DAB1: variants seen among roughly 807,000 people sequenced by gnomAD.
DAB1 encodes disabled homolog 1.
In DAB1, 15 loss-of-function variants were observed where a neutral mutation model predicts 64.6. That is an observed-to-expected ratio of 0.23 (90% CI 0.16 to 0.36). The LOEUF (loss-of-function observed/expected upper bound fraction) is 0.36, where lower values mean the gene tolerates loss of function less well. Ranked by LOEUF, DAB1 falls within the 10% of genes least tolerant of loss-of-function variation. The pLI is 1.00. For missense variants in DAB1, 596 were observed against 706.7 expected, an observed-to-expected ratio of 0.84 and a Z score of 1.78; for synonymous variants, 235 against 251.9, an observed-to-expected ratio of 0.93 and a Z score of 0.64.
rs568655586 is a variant in DAB1 at position 58,452,843 on chromosome 1, A to AAAAAAC, written n.257+53211_257+53216dup. 2.9e-3 allele frequency among the ~76,000 whole-genome samples: 442 copies of AAAAAAC among 151,502 alleles called. 1 individual carries two copies. Among genetic ancestry groups the AAAAAAC allele is most frequent in the African/African-American group, 0.01 (426 of 41,000 alleles). On this transcript the variant is annotated intron_variant and non_coding_transcript_variant, in intron 3 of 20. Coordinates refer to the DAB1 transcript ENST00000485760. ...ACTCCATCTCAAAAAAACAAAAAAC[A>AAAAAAC]AAAAACAAAACAAAAAAAAAACAAA...
chr1:57,872,465 A>G (rs1413862361), intron 1 of DAB1, among the ~76,000 whole-genome samples: 1 of 152,192 alleles, frequency 6.6e-6, no homozygotes, highest in East Asian at 1.9e-4. Context: ...AGCCTTTAGA[A>G]CTGTGAGAAA....
At chr1:58,458,823 A>G (rs1645215849) in intron 3 of DAB1, among the ~76,000 whole-genome samples, 1 of 150,368 alleles carries the variant, frequency 6.7e-6, no homozygotes, top group African/African-American at 2.5e-5. Context: ...TCAAACAAAC[A>G]AACAAACAAA....
intron 4 of DAB1, among the ~76,000 whole-genome samples, chr1:57,079,281 T>A (rs758172531): frequency 1.4e-4 from 22 of 152,262 alleles, no homozygotes; most frequent in Middle Eastern, 3.4e-3. Flanking sequence ...GCACTGTCAC[T>A]AACCCTCCTT....
At chr1:58,179,774 A>C (rs1342002119) in intron 4 of DAB1, among the ~76,000 whole-genome samples, 3 of 151,828 alleles carry the variant, frequency 2.0e-5, no homozygotes, top group African/African-American at 7.3e-5. Context: ...ATTTTCATTA[A>C]ATTTTTAGTT....
At chr1:57,015,627 G>T (rs1037066100) in intron 11 of DAB1, among the ~76,000 whole-genome samples, 196 bp from the exon 12 acceptor site, 1 of 152,232 alleles carries the variant, frequency 6.6e-6, no homozygotes, top group Non-Finnish European at 1.5e-5. Flanking sequence ...AGTGGTCAGG[G>T]AAATCCTCTC....
chr1:57,794,321 C>T (rs1007969164), intron 6 of DAB1, among the ~76,000 whole-genome samples: 5 of 152,178 alleles, frequency 3.3e-5, no homozygotes, highest in African/African-American at 1.2e-4. Flanking sequence ...GCACGAGGCT[C>T]AAGGCTTATC....
At chr1:57,415,983 A>G (rs888993319) in intron 1 of DAB1, among the ~76,000 whole-genome samples, 5 of 152,218 alleles carry the variant, frequency 3.3e-5, no homozygotes, top group Non-Finnish European at 7.4e-5. Context: ...AGAAAACCCT[A>G]GGGTAGATCA....
intron 4 of DAB1, among the ~76,000 whole-genome samples, chr1:58,239,854 T>C (rs1024975137): frequency 6.6e-6 from 1 of 152,060 alleles, no homozygotes; most frequent in African/African-American, 2.4e-5. Context: ...TGAACTAAGC[T>C]ACAGAAAAAT....
intron 2 of DAB1, among the ~76,000 whole-genome samples, chr1:57,253,413 A>G (rs777269911): frequency 1.3e-5 from 2 of 152,190 alleles, no homozygotes; most frequent in African/African-American, 2.4e-5. Context: ...TCTGATTTGC[A>G]GTTGGCTCAA....
chr1:58,030,004 G>A lies in DAB1; in HGVS notation n.387+120507C>T, dbSNP rs185765931. ...GCAGATCACTTGAGTCCAGGAGTTC[G>A]AGACCAACCTGGCCAACAAGGTGAA... On this transcript the variant is annotated intron_variant and non_coding_transcript_variant, in intron 5 of 20. Transcript: ENST00000485760. Among the ~76,000 whole-genome samples the A allele has an allele frequency of 5.0e-4, 76 of 152,138 alleles. 2 individuals are homozygous for A. The East Asian group carries it at 0.012, about 25-fold the overall frequency.
intron 7 of DAB1, among the ~76,000 whole-genome samples, chr1:57,593,974 C>A (rs1193986714): frequency 6.6e-6 from 1 of 152,132 alleles, no homozygotes; most frequent in Non-Finnish European, 1.5e-5. Flanking sequence ...ACTGGCCAAG[C>A]CTGGGTTGTA....
At chr1:57,035,833 CTTTTTT>C (rs35389635) in intron 9 of DAB1, among the ~76,000 whole-genome samples, 8 of 61,884 alleles carry the variant, frequency 1.3e-4, no homozygotes, top group Non-Finnish European at 2.5e-4. Context: ...CGCACATGCA[CTTTTTT>C]TTTTTTTTTT....
chr1:57,764,788 C>A (rs12131093), intron 6 of DAB1, among the ~76,000 whole-genome samples: 26,350 of 152,048 alleles, frequency 0.17, 2,996 homozygotes, highest in Admixed American at 0.29. Flanking sequence ...AGAAGATTTA[C>A]AAAGATGATC....
chr1:58,312,869 A>C (rs569159517), intron 4 of DAB1, among the ~76,000 whole-genome samples: 1 of 152,298 alleles, frequency 6.6e-6, no homozygotes, highest in Non-Finnish European at 1.5e-5. Flanking sequence ...GTACTACCTA[A>C]TGAATAGCAT....
intron 6 of DAB1, among the ~76,000 whole-genome samples, chr1:57,820,890 C>A (rs139044346): frequency 1.3e-5 from 2 of 152,230 alleles, no homozygotes; most frequent in African/African-American, 4.8e-5. Context: ...TATGAGCCTC[C>A]CAGATATAAA....
chr1:58,091,032 C>T (rs1267719705), intron 5 of DAB1, among the ~76,000 whole-genome samples: 1 of 152,184 alleles, frequency 6.6e-6, no homozygotes, highest in African/African-American at 2.4e-5. Context: ...ACACCCTCTC[C>T]ACAGCCATGG....
intron 2 of DAB1, among the ~76,000 whole-genome samples, chr1:57,200,765 T>G (rs974329257): frequency 1.3e-5 from 2 of 152,226 alleles, no homozygotes; most frequent in African/African-American, 4.8e-5. Context: ...ATCAATAAAT[T>G]GGCAAGTTTA....
chr1:57,245,521 A>C (rs763690184), intron 2 of DAB1, among the ~76,000 whole-genome samples: 31 of 151,970 alleles, frequency 2.0e-4, no homozygotes, highest in Non-Finnish European at 1.2e-4. Flanking sequence ...TATGAGTGAG[A>C]ACTTGTGGTG....
At chr1:58,513,774 T>C (rs1646118226) in intron 2 of DAB1, among the ~76,000 whole-genome samples, 1 of 152,216 alleles carries the variant, frequency 6.6e-6, no homozygotes, top group African/African-American at 2.4e-5. Context: ...TATTAACTCA[T>C]TTAATCCTCA....
Sources: gnomAD v4.1 joint callset for allele counts (sites outside exome capture counted in the v4.1 genomes callset) on GRCh38, gnomAD v4.1.1 for gene constraint, MANE v1.5 for transcripts, NCBI Gene and HGNC (gene_info 2026-07-23, HGNC 2026-07-21) for gene names.